Variants in L3MBTL3 observed in about 807,000 individuals in gnomAD.
The protein encoded by L3MBTL3 is L3MBTL histone methyl-lysine binding protein 3.
L3MBTL3 carries 27 observed loss-of-function variants against 102.3 expected under a neutral mutation model. The ratio of observed to expected loss-of-function variants is 0.26; its 90% CI spans 0.19 to 0.36. L3MBTL3 has a LOEUF of 0.36. Ranked by LOEUF, L3MBTL3 falls within the 10% of genes least tolerant of loss-of-function variation. L3MBTL3 has a pLI of 1.00. For missense variants in L3MBTL3, 798 were observed against 955.3 expected, an observed-to-expected ratio of 0.84 and a Z score of 2.17; for synonymous variants, 340 against 320.9, an observed-to-expected ratio of 1.06 and a Z score of -0.64.
At chr6:130,072,733 A>G (rs1331487787) in intron 13 of L3MBTL3, among the ~76,000 whole-genome samples, 1 of 152,156 alleles carries the variant, frequency 6.6e-6, no homozygotes, top group Non-Finnish European at 1.5e-5. Context: ...GCATTTCAGT[A>G]TATATCTTCT....
chr6:130,068,509 A>G (rs952509568), intron 12 of L3MBTL3, 88 bp downstream of exon 12: 150 of 690,288 alleles, frequency 2.2e-4, no homozygotes, highest in Non-Finnish European at 3.6e-4. Context: ...ACAAGGAACT[A>G]TAATAAATTT....
intron 13 of L3MBTL3, among the ~76,000 whole-genome samples, chr6:130,075,534 G>C (rs969384814): frequency 6.6e-6 from 1 of 152,182 alleles, no homozygotes; most frequent in African/African-American, 2.4e-5. Context: ...ATCAGGTGTC[G>C]TGGGGATTAA....
chr6:130,060,422 T>C (rs962505968), intron 10 of L3MBTL3, among the ~76,000 whole-genome samples: 1 of 152,022 alleles, frequency 6.6e-6, no homozygotes, highest in Non-Finnish European at 1.5e-5. Flanking sequence ...GTCTGTCTGA[T>C]GCCATAGCCC....
chr6:130,054,701 G>A (rs1161935966), intron 7 of L3MBTL3, among the ~76,000 whole-genome samples: 1 of 152,206 alleles, frequency 6.6e-6, no homozygotes, highest in Non-Finnish European at 1.5e-5. Flanking sequence ...ATCCCAAGTA[G>A]GCATTTGTCT....
intron 22 of L3MBTL3, among the ~76,000 whole-genome samples, chr6:130,137,299 CA>C (rs1285942575): frequency 6.6e-6 from 1 of 152,170 alleles, no homozygotes; most frequent in Non-Finnish European, 1.5e-5. Flanking sequence ...ATTAGCAAGA[CA>C]CCTAATGTCT....
rs35551443 is a variant in L3MBTL3 at position 130,080,262 on chromosome 6, G to GAA, written c.1321+1640_1321+1641dup. ...AGCAAGACAGTGTTTCAAGAAAAAA[G>GAA]AAAAAAAAAAAAAGAAAGCAAGGTA... On this transcript the variant is annotated intron_variant, in intron 14 of 22. Coordinates refer to ENST00000361794, the MANE Select transcript of L3MBTL3 (RefSeq NM_032438.4). 4.8e-4 allele frequency among the ~76,000 whole-genome samples: 67 copies of GAA among 139,366 alleles called. 1 individual carries two copies. Among genetic ancestry groups the GAA allele is most frequent in the Middle Eastern group, 3.8e-3 (1 of 266 alleles). The allele number at this position is 139,366 out of a possible 152,430, so 91.4% of individuals were successfully genotyped here.
intron 18 of L3MBTL3, among the ~76,000 whole-genome samples, chr6:130,103,188 A>G (rs1231245646): frequency 6.6e-6 from 1 of 152,262 alleles, no homozygotes; most frequent in Non-Finnish European, 1.5e-5. Context: ...TAAGTGCTCC[A>G]TAAATGTCAC....
chr6:130,039,188 C>T (rs1780254642), intron 2 of L3MBTL3, among the ~76,000 whole-genome samples: 1 of 152,060 alleles, frequency 6.6e-6, no homozygotes, highest in South Asian at 2.1e-4. Flanking sequence ...AATCTTATTA[C>T]TTCATCCGCT....
intron 18 of L3MBTL3, among the ~76,000 whole-genome samples, chr6:130,097,451 G>GT (rs1784428629): frequency 6.6e-6 from 1 of 152,120 alleles, no homozygotes; most frequent in African/African-American, 2.4e-5. Flanking sequence ...TTTGACTAGC[G>GT]TTTGTTGTTA....
At chr6:130,086,360 G>A (rs9402215) in intron 16 of L3MBTL3, 110 bp downstream of exon 16, 92,881 of 708,266 alleles carry the variant, frequency 0.13, 8,714 homozygotes, top group East Asian at 0.44. Context: ...AAAATCATAG[G>A]AATAAGCAAA....
intron 22 of L3MBTL3, among the ~76,000 whole-genome samples, chr6:130,135,279 G>A (rs1476877497): frequency 4.0e-5 from 6 of 151,778 alleles, no homozygotes; most frequent in African/African-American, 1.5e-4. Context: ...GGCCAGGCTG[G>A]TCTCGAACTC....
chr6:130,104,540 A>T lies in L3MBTL3; in HGVS notation c.1851A>T (p.Thr617=). Residue 617 remains threonine, a synonymous_variant, in exon 19 of 23, where the codon ACA becomes ACT. Coordinates refer to ENST00000361794, the MANE Select transcript of L3MBTL3 (RefSeq NM_032438.4). The part of the protein sequence containing the change: ...ASPSFPRNKR[T]DANESSSSPE... ...CGTCATTTCCAAGAAATAAAAGGAC[A>T]GATGCAAATGAAAGCTCTTCTTCCC... is the stretch of plus-strand genomic sequence containing the variant. 6.3e-7 allele frequency: 1 copy of T among 1,589,334 alleles called. No homozygotes were observed. The highest frequency in any genetic ancestry group is 2.3e-5 in the East Asian group (1 of 43,856).
Position 130,133,737 on chromosome 6 carries a change from A to G in L3MBTL3, c.2137-106A>G. 1 of 1,471,868 alleles carries G rather than the reference A, an allele frequency of 6.8e-7. No homozygotes were observed. Among genetic ancestry groups the G allele is most frequent in the South Asian group, 1.2e-5 (1 of 84,248 alleles). The allele number at this position is 1,471,868 out of a possible 1,614,324, so 91.2% of individuals were successfully genotyped here. The stretch of plus-strand genomic sequence containing the variant: ...TTTTTTTTCTGAAAGAGAAGAAATT[A>G]TTGTGAGAGAAATAACTAATGCATA... On this transcript the variant is annotated intron_variant, in intron 21 of 22. Transcript: ENST00000361794. This position sits in a 1 kb window ranked among gnomAD's most constrained non-coding sequence, Gnocchi z 4.9.
chr6:130,058,149 C>CAAAAAAAAAAA (rs61250078), intron 9 of L3MBTL3, among the ~76,000 whole-genome samples: 4 of 89,148 alleles, frequency 4.5e-5, no homozygotes, highest in Non-Finnish European at 6.4e-5. Flanking sequence ...GACTCCGTCT[C>CAAAAAAAAAAA]AAAAAAAAAA....
At position 130,083,717 on chromosome 6, in the gene L3MBTL3, C is replaced by T. The variant is rs777095026; in HGVS notation, c.1407+12C>T. The T allele has an allele frequency of 7.1e-7, 1 of 1,404,490 alleles. No homozygotes were observed. Among genetic ancestry groups the T allele is most frequent in the Non-Finnish European group, 9.9e-7 (1 of 1,010,134 alleles). 87.0% of individuals were successfully genotyped at this position (1,404,490 alleles called of 1,614,324 possible). A position where few individuals can be genotyped will look rare whatever the true frequency, so the allele number is the denominator to read the frequency against. ...GAGCTTTCAAAGTGGTAAGATGATA[C>T]ATTTTATTAATTTGCGTGGATGAGA... On this transcript the variant is annotated intron_variant, in intron 15 of 22. Transcript: ENST00000361794.
chr6:130,066,982 T>A (rs986316988), intron 11 of L3MBTL3, among the ~76,000 whole-genome samples: 1 of 152,038 alleles, frequency 6.6e-6, no homozygotes, highest in Non-Finnish European at 1.5e-5. Flanking sequence ...AGGTGGGGGG[T>A]TGAACTCATA....
chr6:130,092,660 G>GA (rs1784130187), intron 16 of L3MBTL3, 85 bp from the exon 17 acceptor site: 1 of 753,450 alleles, frequency 1.3e-6, no homozygotes, highest in Admixed American at 2.1e-5. Context: ...GTGTTAGAAT[G>GA]AAAATGGTTA....
intron 20 of L3MBTL3, among the ~76,000 whole-genome samples, chr6:130,130,331 A>G (rs1427068039): frequency 1.3e-5 from 2 of 152,190 alleles, no homozygotes; most frequent in Admixed American, 6.5e-5. Context: ...TGTTAATAGA[A>G]CATAAACAGT....
intron 3 of L3MBTL3, among the ~76,000 whole-genome samples, chr6:130,043,107 A>G (rs1171231575): frequency 6.6e-6 from 1 of 152,194 alleles, no homozygotes; most frequent in Non-Finnish European, 1.5e-5. Flanking sequence ...ACAGCCTATA[A>G]ATGCAGAAAT....
Sources: gnomAD v4.1 joint callset for allele counts (sites outside exome capture counted in the v4.1 genomes callset) on GRCh38, gnomAD v4.1.1 for gene constraint, Gnocchi (gnomAD v3.1) non-coding constraint, MANE v1.5 for transcripts, NCBI Gene and HGNC (gene_info 2026-07-23, HGNC 2026-07-21) for gene names.